The following TANC2 variants were observed in gnomAD, a reference collection of about 807,000 sequenced individuals.
TANC2 encodes the protein protein TANC2.
Under a neutral mutation model 210.5 loss-of-function variants are expected in TANC2, and 26 were observed. The ratio of observed to expected loss-of-function variants is 0.12; its 90% CI spans 0.09 to 0.17. The LOEUF (loss-of-function observed/expected upper bound fraction) is 0.17. Ranked by LOEUF, TANC2 falls within the 10% of genes least tolerant of loss-of-function variation. The pLI, the probability that TANC2 is intolerant of heterozygous loss-of-function variation, is 1.00. For synonymous variants in TANC2, 931 were observed against 967.1 expected, an observed-to-expected ratio of 0.96 and a Z score of 0.69; for missense variants, 2,129 against 2,608.9, an observed-to-expected ratio of 0.82 and a Z score of 4.01.
chr17:63,412,793 G>A lies in TANC2; in HGVS notation c.3928+84G>A. 2 of 1,459,612 alleles carry A rather than the reference G, an allele frequency of 1.4e-6. No homozygotes were observed. Among genetic ancestry groups the A allele is most frequent in the Non-Finnish European group, 1.8e-6 (2 of 1,089,822 alleles). 90.4% of individuals were successfully genotyped at this position (1,459,612 alleles called of 1,614,324 possible). A position where few individuals can be genotyped will look rare whatever the true frequency, so the allele number is the denominator to read the frequency against. On this transcript the variant is annotated intron_variant, in intron 24 of 27. Transcript: ENST00000689528. This position sits in a 1 kb window ranked among gnomAD's most constrained non-coding sequence, Gnocchi z 4.2. ...CTCCTCTTTGGTTTAGCCTGCATGA[G>A]TTCCCTACACCTCTAATCTTTTAAT...
intron 6 of TANC2, among the ~76,000 whole-genome samples, chr17:63,198,134 TAGAAC>T (rs1460738439): frequency 6.6e-6 from 1 of 152,192 alleles, no homozygotes; most frequent in Non-Finnish European, 1.5e-5. Context: ...ATGAGAATCT[TAGAAC>T]AGAAATGAGT....
intron 3 of TANC2, among the ~76,000 whole-genome samples, chr17:63,074,465 TATC>T (rs1197745942): frequency 1.3e-5 from 2 of 152,156 alleles, no homozygotes; most frequent in Non-Finnish European, 2.9e-5. Context: ...TAAAATTTAT[TATC>T]ATAGGCCTTT....
rs573666340 is a variant in TANC2, at chr17:63,239,693, A to G, written c.1033+1616A>G. Among the ~76,000 whole-genome samples, 16 of 152,314 alleles carry G rather than the reference A, an allele frequency of 1.1e-4. No homozygotes were observed. The South Asian group carries it at 3.3e-3, about 32-fold the overall frequency. On this transcript the variant is annotated intron_variant, in intron 8 of 27. Transcript: ENST00000689528. ...TCCCCAACTACCATGTCATATTAGA[A>G]TCCTAGAATGCTGTTGTTTTAGTCT...
chr17:63,235,803 G>C (rs2042604996), intron 7 of TANC2, among the ~76,000 whole-genome samples: 1 of 151,604 alleles, frequency 6.6e-6, no homozygotes, highest in East Asian at 1.9e-4. Flanking sequence ...AACTCCTCTG[G>C]GATGATATCT....
intron 7 of TANC2, among the ~76,000 whole-genome samples, chr17:63,223,316 C>T (rs576079704): frequency 3.9e-5 from 6 of 152,132 alleles, no homozygotes; most frequent in South Asian, 2.1e-4. Context: ...AAGAGTGAGC[C>T]GACAGTGAAA....
At chr17:63,401,281 T>A (rs1227457481) in intron 19 of TANC2, among the ~76,000 whole-genome samples, 1 of 152,172 alleles carries the variant, frequency 6.6e-6, no homozygotes, top group Admixed American at 6.5e-5. Context: ...AAGTGACAAT[T>A]TTTAACCTAA....
Position 63,073,993 on chromosome 17 carries a change from C to T in TANC2, c.118C>T (p.Arg40Cys), listed in dbSNP as rs183360210. The change falls in exon 3 of 28, where the codon CGC becomes TGC. Residue 40 changes from arginine to cysteine, a missense_variant. Arg to Cys is a radical substitution (Grantham distance 180). Transcript: ENST00000689528. ...TCGAAGACAGTCAAGTGTAGACTCT[C>T]GCCAAAGCCGCTCTGGGCAAGGTAA... The T allele has an allele frequency of 5.0e-5, 79 of 1,583,666 alleles. No homozygotes were observed. In the African/African-American group the frequency reaches 8.0e-4, roughly 16 times the overall value.
At chr17:63,340,466 C>A in intron 12 of TANC2, 134 bp downstream of exon 12, 1 of 694,038 alleles carries the variant, frequency 1.4e-6, no homozygotes, top group African/African-American at 1.8e-5. Context: ...CTGTAGGATA[C>A]AGTTAACAGA....
chr17:63,153,818 T>A (rs2039743546), intron 5 of TANC2: 2 of 152,158 alleles, frequency 1.3e-5, no homozygotes, highest in Non-Finnish European at 2.9e-5. Context: ...GAAATAGACT[T>A]ATATATTTTT....
At chr17:62,996,994 T>TTTTTTTTTTTTTTTTTG (rs2033144497) in intron 1 of TANC2, among the ~76,000 whole-genome samples, 3 of 143,772 alleles carry the variant, frequency 2.1e-5, no homozygotes, top group South Asian at 4.5e-4. Context: ...TTTGTATTTT[T>TTTTTTTTTTTTTTTTTG]AGTATAGATG....
chr17:63,068,972 G>A (rs1197329817), intron 2 of TANC2, among the ~76,000 whole-genome samples: 1 of 152,016 alleles, frequency 6.6e-6, no homozygotes, highest in African/African-American at 2.4e-5. Context: ...GGTTAATTTG[G>A]GGAGGGATGG....
chr17:63,370,674 A>G (rs1301904359), intron 14 of TANC2, among the ~76,000 whole-genome samples: 2 of 152,226 alleles, frequency 1.3e-5, no homozygotes, highest in Non-Finnish European at 2.9e-5. Context: ...ATGTTTTGGA[A>G]GAGGTCTGCC....
At chr17:63,091,016 G>T (rs1384132515) in intron 3 of TANC2, among the ~76,000 whole-genome samples, 2 of 151,134 alleles carry the variant, frequency 1.3e-5, no homozygotes, top group African/African-American at 2.4e-5. Context: ...CTTTTGAGAA[G>T]TGTCTGTTCA....
In TANC2 at chr17:63,418,823, C is replaced by T. The variant is rs988212247; in HGVS notation, c.4268+416C>T. 2.0e-5 allele frequency among the ~76,000 whole-genome samples: 3 copies of T among 152,172 alleles called. No individual in the cohort carries two copies. The highest frequency in any genetic ancestry group is 7.2e-5 in the African/African-American group (3 of 41,424). ...CATCACAGGTTCCTCTTCCTTCTCC[C>T]ATAGGCGTTTGAGGAATCCCGGATT... On this transcript the variant is annotated intron_variant, in intron 27 of 27. Transcript: ENST00000689528. The surrounding 1 kb of genome is among the most constrained non-coding windows in gnomAD (Gnocchi z 4.6).
intron 2 of TANC2, among the ~76,000 whole-genome samples, chr17:63,027,274 T>C (rs946330179): frequency 6.6e-6 from 1 of 152,118 alleles, no homozygotes. Flanking sequence ...ATGCCACTTA[T>C]AATTCTACAT....
rs185522460 is a variant in TANC2 at position 63,293,022 on chromosome 17, A to G, written c.1160-21366A>G. Among the ~76,000 whole-genome samples the G allele has an allele frequency of 3.9e-5, 6 of 152,336 alleles. No individual in the cohort carries two copies. The East Asian group carries it at 9.6e-4, about 24-fold the overall frequency. On this transcript the variant is annotated intron_variant, in intron 9 of 27. Coordinates refer to ENST00000689528, the Ensembl canonical transcript of TANC2. ...TATTTATTCTAATTTTCTTTACAGAATGTATCTAGAGTGAACATTTTTCAG... is the reference window on the plus strand; with the variant it reads ...TATTTATTCTAATTTTCTTTACAGAGTGTATCTAGAGTGAACATTTTTCAG...
At chr17:62,981,355 G>A (rs186247744) in intron 1 of TANC2, among the ~76,000 whole-genome samples, 136 of 152,060 alleles carry the variant, frequency 8.9e-4, no homozygotes, top group African/African-American at 3.2e-3. Context: ...TTGTCCATTA[G>A]AACCTACCCC....
chr17:63,356,605 G>T (rs751174073), intron 14 of TANC2, among the ~76,000 whole-genome samples: 10 of 152,122 alleles, frequency 6.6e-5, no homozygotes, highest in Non-Finnish European at 8.8e-5. Context: ...TATTAAGCCA[G>T]GCAATAGACT....
rs2031328670 is a variant in TANC2 at position 62,966,319 on chromosome 17, A to G, written c.-454A>G. On this transcript the variant is annotated 5_prime_UTR_variant, in exon 1 of 28. Transcript: ENST00000689528. This position sits in a 1 kb window ranked among gnomAD's most constrained non-coding sequence, Gnocchi z 5.1. ...CCCGCTGGCACAGCCGCCTCGCGCGAGCCGCCCGCCCGGCGGGGGAAGCTG... is the reference window on the plus strand; with the variant it reads ...CCCGCTGGCACAGCCGCCTCGCGCGGGCCGCCCGCCCGGCGGGGGAAGCTG... 6.9e-6 allele frequency among the ~76,000 whole-genome samples: 1 copy of G among 145,984 alleles called. No homozygotes were observed. Among genetic ancestry groups the G allele is most frequent in the Non-Finnish European group, 1.5e-5 (1 of 65,764 alleles).
Sources: allele counts gnomAD v4.1 joint callset (sites outside exome capture counted in the v4.1 genomes callset), GRCh38; gene constraint gnomAD v4.1.1; non-coding constraint Gnocchi (gnomAD v3.1); transcripts MANE v1.5; gene names NCBI Gene and HGNC (gene_info 2026-07-23, HGNC 2026-07-21).